The following PNPLA7 variants were observed in gnomAD, a reference collection of about 807,000 sequenced individuals.
The protein encoded by PNPLA7 is patatin like domain 7, lysophospholipase, also known as patatin-like phospholipase domain-containing protein 7.
A neutral mutation model predicts 161.7 loss-of-function variants in PNPLA7; 153 were observed. The ratio of observed to expected loss-of-function variants is 0.95; its 90% CI spans 0.83 to 1.08. The LOEUF (loss-of-function observed/expected upper bound fraction) is 1.08. Among genes scored for constraint, PNPLA7 ranks in the 50% least tolerant of loss-of-function variants. PNPLA7 has a pLI of 0.00. For missense variants in PNPLA7, 1,739 were observed against 1,856.6 expected (o/e 0.94, Z 1.16); for synonymous variants, 809 against 782.1 (o/e 1.03, Z -0.57).
chr9:137,527,880 T>A (rs533984260), intron 8 of PNPLA7, among the ~76,000 whole-genome samples: 139 of 152,230 alleles, frequency 9.1e-4, no homozygotes, highest in Non-Finnish European at 1.8e-3. Context: ...GTCATCTAGA[T>A]CTGGAATTCT....
rs376052223 is a variant in PNPLA7 at position 137,500,813 on chromosome 9, G to C, written c.1635C>G (p.Phe545Leu). 82 of 1,607,276 alleles carry C rather than the reference G, an allele frequency of 5.1e-5. No individual in the cohort carries two copies. Among genetic ancestry groups the C allele is most frequent in the Non-Finnish European group, 6.2e-5 (73 of 1,178,134 alleles). Residue 545 changes from phenylalanine to leucine, a missense_variant, in exon 16 of 35, where the codon TTC becomes TTG. Coordinates refer to ENST00000406427, the MANE Select transcript of PNPLA7 (RefSeq NM_001098537.3). The surrounding 1 kb of genome is among the most constrained non-coding windows in gnomAD (Gnocchi z 5.5). ...KIGSQEDTCLFLTRPGEMVGQ... is the reference protein window; with the variant it reads ...KIGSQEDTCLLLTRPGEMVGQ... ...CCACCATCTCCCCGGGGCGCGTGAG[G>C]AACAAGCAGGTGTCCTCCTGGCTGC...
intron 12 of PNPLA7, among the ~76,000 whole-genome samples, chr9:137,512,608 C>T (rs1475159527): frequency 6.6e-6 from 1 of 152,190 alleles, no homozygotes; most frequent in Admixed American, 6.5e-5. Flanking sequence ...CAATGTGCGT[C>T]CTGCATGCGC....
At chr9:137,482,210 G>A (rs553939284) in intron 21 of PNPLA7, among the ~76,000 whole-genome samples, 82 of 152,206 alleles carry the variant, frequency 5.4e-4, no homozygotes, top group Non-Finnish European at 1.0e-3. Context: ...TCCGACCACA[G>A]GATCCAGCAA....
rs371745534 is a variant in PNPLA7 at position 137,515,389 on chromosome 9, C to T, written c.1215G>A (p.Ser405=). 102 of 1,603,900 alleles carry T rather than the reference C, an allele frequency of 6.4e-5. No individual in the cohort carries two copies. In the African/African-American group the frequency reaches 1.2e-3, roughly 19 times the overall value. ...EKPGAGDPDP[S]APQGGPGSAT... ...GTCGAGGTTCTTTACCTTGTGGGGCCGAAGGGTCAGGGTCACCTGCCCCGG... is the reference window on the plus strand; with the variant it reads ...GTCGAGGTTCTTTACCTTGTGGGGCTGAAGGGTCAGGGTCACCTGCCCCGG... Residue 405 remains serine, a synonymous_variant, in exon 12 of 35, where the codon TCG becomes TCA. Transcript: ENST00000406427.
At position 137,543,679 on chromosome 9, in the gene PNPLA7, T is replaced by C. The variant is rs1836337502; in HGVS notation, c.365+45A>G. The C allele has an allele frequency of 1.2e-6, 2 of 1,611,762 alleles. No homozygotes were observed. Among genetic ancestry groups the C allele is most frequent in the South Asian group, 1.1e-5 (1 of 91,028 alleles). ...CTCAGGGTTGGGGAGGCCAGCACCA[T>C]GGGGGGCACCTGGGGCAGGATGTGG... On this transcript the variant is annotated intron_variant, in intron 5 of 34. Coordinates refer to ENST00000406427, the MANE Select transcript of PNPLA7 (RefSeq NM_001098537.3). The surrounding 1 kb of genome is among the most constrained non-coding windows in gnomAD (Gnocchi z 6.9).
At position 137,547,056 on chromosome 9, in the gene PNPLA7, CA is replaced by C; in HGVS notation, c.194-148del. On this transcript the variant is annotated intron_variant, in intron 3 of 34. Transcript: ENST00000406427. This position sits in a 1 kb window ranked among gnomAD's most constrained non-coding sequence, Gnocchi z 4.6. ...GCATGAGGGAAGAGGGCCTGAGTGA[CA>C]GGCTCATCTCCAACAAAGGGGGCTC... The C allele has an allele frequency of 1.3e-6, 1 of 790,786 alleles. No individual in the cohort carries two copies. The highest frequency in any genetic ancestry group is 2.1e-6 in the Non-Finnish European group (1 of 485,232). The allele number at this position is 790,786 out of a possible 1,614,324, so 49.0% of individuals were successfully genotyped here.
intron 12 of PNPLA7, among the ~76,000 whole-genome samples, chr9:137,510,712 ACTCT>A (rs1301781409): frequency 6.6e-6 from 1 of 151,380 alleles, no homozygotes; most frequent in Non-Finnish European, 1.5e-5. Context: ...TTATTTCTAC[ACTCT>A]CTCATCGCCG....
At chr9:137,479,956 C>T (rs117880624) in intron 23 of PNPLA7, 20 of 934,992 alleles carry the variant, frequency 2.1e-5, no homozygotes, top group South Asian at 9.9e-5. Flanking sequence ...GGAACGACGC[C>T]GACACCTAAG....
intron 8 of PNPLA7, among the ~76,000 whole-genome samples, chr9:137,535,957 C>A (rs1335304475): frequency 1.1e-4 from 17 of 151,712 alleles, no homozygotes; most frequent in Admixed American, 1.1e-3. Context: ...TCGAGACCAT[C>A]CTGGCTAACA....
intron 25 of PNPLA7, among the ~76,000 whole-genome samples, chr9:137,469,633 C>G (rs1831626019): frequency 1.3e-5 from 2 of 151,988 alleles, no homozygotes; most frequent in Admixed American, 1.3e-4. Flanking sequence ...GTCTGCTCGT[C>G]TAAATGTTAG....
chr9:137,473,313 T>C (rs1465792742), intron 25 of PNPLA7, among the ~76,000 whole-genome samples: 1 of 152,002 alleles, frequency 6.6e-6, no homozygotes, highest in Admixed American at 6.5e-5. Flanking sequence ...CTCACACCAG[T>C]CATGAAAATC....
At chr9:137,501,546 T>G (rs1588616036) in intron 15 of PNPLA7, 104 bp downstream of exon 15, 4 of 1,112,844 alleles carry the variant, frequency 3.6e-6, no homozygotes, top group Admixed American at 2.3e-5. Flanking sequence ...TGCTGGGAGG[T>G]CCCCAGTCAC....
chr9:137,470,448 C>T (rs901845905), intron 25 of PNPLA7, among the ~76,000 whole-genome samples: 4 of 152,162 alleles, frequency 2.6e-5, no homozygotes, highest in East Asian at 1.9e-4. Flanking sequence ...TCTGGCTGAG[C>T]GCAGCGGCTC....
intron 33 of PNPLA7, 154 bp downstream of exon 33, chr9:137,461,382 G>T: frequency 1.3e-6 from 1 of 798,596 alleles, no homozygotes; most frequent in Non-Finnish European, 1.9e-6. Context: ...GCCCGGGACG[G>T]AGGAGTGCCA....
intron 30 of PNPLA7, 96 bp from the exon 31 acceptor site, chr9:137,462,427 T>C (rs1831258811): frequency 2.7e-6 from 4 of 1,505,114 alleles, no homozygotes; most frequent in Admixed American, 4.5e-5. Context: ...ACCCATCCTC[T>C]GGGGTAGGTA....
chr9:137,510,855 C>A lies in PNPLA7; in HGVS notation c.1225+4524G>T, dbSNP rs536106856. 2.6e-5 allele frequency among the ~76,000 whole-genome samples: 4 copies of A among 152,326 alleles called. No homozygotes were observed. In the South Asian group the frequency reaches 8.3e-4, roughly 32 times the overall value. On this transcript the variant is annotated intron_variant, in intron 12 of 34. Transcript: ENST00000406427. ...GTGCCGAGGCATGAGACTGAAGGCA[C>A]AAGCTGTTCCAATATAATCAAGAAA...
chr9:137,501,785 G>A, intron 14 of PNPLA7, 58 bp from the exon 15 acceptor site: 7 of 1,550,974 alleles, frequency 4.5e-6, no homozygotes, highest in Non-Finnish European at 5.3e-6. Context: ...AAGGTCCAGA[G>A]AACAGAGGCT....
intron 33 of PNPLA7, chr9:137,461,075 C>G (rs964136157): frequency 8.3e-6 from 3 of 360,680 alleles, no homozygotes; most frequent in Non-Finnish European, 1.6e-5. Flanking sequence ...CCCTCTCGGC[C>G]TGCGGCAGCC....
intron 8 of PNPLA7, among the ~76,000 whole-genome samples, chr9:137,539,734 A>G (rs1285905738): frequency 6.6e-6 from 1 of 152,222 alleles, no homozygotes; most frequent in African/African-American, 2.4e-5. Flanking sequence ...GAACTGTCTC[A>G]TAATAAAAAG....
Sources: gnomAD v4.1 joint callset for allele counts (sites outside exome capture counted in the v4.1 genomes callset) on GRCh38, gnomAD v4.1.1 for gene constraint, Gnocchi (gnomAD v3.1) non-coding constraint, MANE v1.5 for transcripts, NCBI Gene and HGNC (gene_info 2026-07-23, HGNC 2026-07-21) for gene names.